NRG3: variants seen among roughly 807,000 people sequenced by gnomAD.
NRG3 encodes the protein pro-neuregulin-3, membrane-bound isoform.
In NRG3, 31 loss-of-function variants were observed where a neutral mutation model predicts 66.9. The observed-to-expected ratio is 0.46, with a 90% CI of 0.35 to 0.63. The LOEUF is 0.63. Among genes scored for constraint, NRG3 ranks in the 20% least tolerant of loss-of-function variants. The pLI is 0.00. For synonymous variants in NRG3, 393 were observed against 359.4 expected, an observed-to-expected ratio of 1.09 and a Z score of -1.06; for missense variants, 910 against 878.9, an observed-to-expected ratio of 1.04 and a Z score of -0.45.
chr10:81,931,311 C>T (rs1847328064), intron 1 of NRG3, among the ~76,000 whole-genome samples: 2 of 152,180 alleles, frequency 1.3e-5, no homozygotes, highest in African/African-American at 2.4e-5. Flanking sequence ...ATATCAAAGA[C>T]TCTTCTATTA....
At chr10:81,998,768 A>T (rs2061047833) in intron 1 of NRG3, among the ~76,000 whole-genome samples, 1 of 152,212 alleles carries the variant, frequency 6.6e-6, no homozygotes, top group South Asian at 2.1e-4. Flanking sequence ...GGATAAGCAT[A>T]TATCTTAAGT....
At chr10:82,302,460 A>G (rs966467629) in intron 1 of NRG3, among the ~76,000 whole-genome samples, 1 of 152,166 alleles carries the variant, frequency 6.6e-6, no homozygotes, top group East Asian at 1.9e-4. Context: ...TATACTTTGT[A>G]TAAACTATAT....
intron 1 of NRG3, among the ~76,000 whole-genome samples, chr10:82,065,617 G>T (rs2064411057): frequency 6.6e-6 from 1 of 152,096 alleles, no homozygotes; most frequent in Non-Finnish European, 1.5e-5. Flanking sequence ...ATAGACTACT[G>T]CATTGGGGTT....
intron 1 of NRG3, among the ~76,000 whole-genome samples, chr10:82,050,188 C>T (rs1391243328): frequency 6.6e-6 from 1 of 151,964 alleles, no homozygotes; most frequent in Non-Finnish European, 1.5e-5. Flanking sequence ...ATTAAATGTT[C>T]ACCAAGTCAC....
At chr10:82,970,358 G>A (rs1453954262) in intron 6 of NRG3, among the ~76,000 whole-genome samples, 1 of 152,070 alleles carries the variant, frequency 6.6e-6, no homozygotes, top group African/African-American at 2.4e-5. Context: ...GAGTGCAATA[G>A]CTAATCACAT....
intron 1 of NRG3, among the ~76,000 whole-genome samples, chr10:82,035,131 C>T (rs574910574): frequency 9.2e-5 from 14 of 152,150 alleles, no homozygotes; most frequent in Non-Finnish European, 1.5e-4. Flanking sequence ...CAGATAGACT[C>T]GCCCAGCATG....
chr10:82,321,277 C>G (rs1450723388), intron 1 of NRG3, among the ~76,000 whole-genome samples: 1 of 147,986 alleles, frequency 6.8e-6, no homozygotes, highest in East Asian at 2.1e-4. Flanking sequence ...AGCCACACCC[C>G]TGTCACACAT....
intron 1 of NRG3, among the ~76,000 whole-genome samples, chr10:82,273,997 A>C (rs2078723107): frequency 6.6e-6 from 1 of 152,020 alleles, no homozygotes; most frequent in Non-Finnish European, 1.5e-5. Context: ...GGAAGAGGGA[A>C]GCTTTAAAAT....
chr10:82,715,791 T>G (rs1321698191), intron 2 of NRG3, among the ~76,000 whole-genome samples: 1 of 152,154 alleles, frequency 6.6e-6, no homozygotes, highest in Non-Finnish European at 1.5e-5. Context: ...ACAACAGATT[T>G]TTTTCTCACA....
intron 4 of NRG3, among the ~76,000 whole-genome samples, chr10:82,899,805 G>A (rs1220600586): frequency 6.6e-6 from 1 of 152,156 alleles, no homozygotes; most frequent in Non-Finnish European, 1.5e-5. Flanking sequence ...ACATCCTCAA[G>A]TACTAATAGG....
intron 2 of NRG3, among the ~76,000 whole-genome samples, chr10:82,710,835 A>AG (rs1337521585): frequency 2.6e-5 from 4 of 152,104 alleles, no homozygotes; most frequent in African/African-American, 9.7e-5. Flanking sequence ...CATTCATAAA[A>AG]GTAAAAACAT....
intron 2 of NRG3, among the ~76,000 whole-genome samples, chr10:82,377,911 C>T (rs994850588): frequency 6.6e-6 from 1 of 152,208 alleles, no homozygotes; most frequent in South Asian, 2.1e-4. Context: ...GTGGCAAATG[C>T]TACAGTAAAA....
chr10:82,315,480 T>C (rs2135047759), intron 1 of NRG3, among the ~76,000 whole-genome samples: 1 of 152,236 alleles, frequency 6.6e-6, no homozygotes, highest in Non-Finnish European at 1.5e-5. Context: ...CTTGTGTAGA[T>C]CTTACACTGA....
intron 3 of NRG3, among the ~76,000 whole-genome samples, chr10:82,834,664 G>C (rs975416791): frequency 6.6e-6 from 1 of 152,170 alleles, no homozygotes; most frequent in South Asian, 2.1e-4. Flanking sequence ...AGGTGCTGCT[G>C]TGTCCCTCTC....
intron 1 of NRG3, among the ~76,000 whole-genome samples, chr10:82,305,536 T>C (rs371249144): frequency 6.6e-5 from 10 of 152,168 alleles, no homozygotes; most frequent in Non-Finnish European, 1.2e-4. Context: ...CAATAAAATA[T>C]TGAATTTCCA....
At chr10:82,048,206 C>T (rs1365795533) in intron 1 of NRG3, among the ~76,000 whole-genome samples, 2 of 152,084 alleles carry the variant, frequency 1.3e-5, no homozygotes, top group Non-Finnish European at 2.9e-5. Flanking sequence ...AGAAAGTTAA[C>T]AAGGATACCC....
chr10:82,891,360 T>C (rs1843133821), intron 4 of NRG3, among the ~76,000 whole-genome samples: 1 of 151,886 alleles, frequency 6.6e-6, no homozygotes, highest in South Asian at 2.1e-4. Context: ...GTTTGAAAAA[T>C]AAGAATGAAA....
chr10:82,676,001 G>GA (rs914712721), intron 2 of NRG3, among the ~76,000 whole-genome samples: 8 of 151,798 alleles, frequency 5.3e-5, no homozygotes, highest in Non-Finnish European at 7.4e-5. Context: ...CACACAGTTA[G>GA]AAAAAAAATC....
chr10:82,239,519 A>G (rs1431901162), intron 1 of NRG3, among the ~76,000 whole-genome samples: 3 of 152,130 alleles, frequency 2.0e-5, no homozygotes, highest in Admixed American at 1.3e-4. Context: ...TGCCAATTTA[A>G]TTGGTGTAAA....
Sources: allele counts gnomAD v4.1 joint callset (sites outside exome capture counted in the v4.1 genomes callset), GRCh38; gene constraint gnomAD v4.1.1; transcripts MANE v1.5; gene names NCBI Gene and HGNC (gene_info 2026-07-23, HGNC 2026-07-21).